The following R3HDM1 variants were observed in gnomAD, a reference collection of about 807,000 sequenced individuals.
The protein encoded by R3HDM1 is R3H domain containing 1.
A neutral mutation model predicts 141.1 loss-of-function variants in R3HDM1; 46 were observed. That is an observed-to-expected ratio of 0.33 (90% confidence interval 0.26 to 0.42). The LOEUF (loss-of-function observed/expected upper bound fraction) is 0.42. Ranked by LOEUF, R3HDM1 falls within the 10% of genes least tolerant of loss-of-function variation. R3HDM1 has a pLI of 1.00. For synonymous variants in R3HDM1, 435 were observed against 472.9 expected (o/e 0.92, Z 1.04); for missense variants, 1,184 against 1,368.3 (o/e 0.87, Z 2.12).
chr2:135,546,462 G>A (rs1294018015), intron 1 of R3HDM1, among the ~76,000 whole-genome samples: 1 of 152,122 alleles, frequency 6.6e-6, no homozygotes, highest in African/African-American at 2.4e-5. Flanking sequence ...CTAAAAAGAG[G>A]AAATGGTGGA....
chr2:135,715,704 C>T lies in R3HDM1; in HGVS notation c.2881+10C>T. The T allele has an allele frequency of 6.2e-7, 1 of 1,607,428 alleles. No homozygotes were observed. Among genetic ancestry groups the T allele is most frequent in the Non-Finnish European group, 8.5e-7 (1 of 1,177,020 alleles). Reference sequence around the variant, plus strand: ...TTTGTCCCCGGGCAAGGTAAGTGCACATGAAACTAGTCACAACTTCAGAGA... The same window carrying T: ...TTTGTCCCCGGGCAAGGTAAGTGCATATGAAACTAGTCACAACTTCAGAGA... On this transcript the variant is annotated intron_variant, in intron 24 of 26. Coordinates refer to ENST00000683871, the MANE Select transcript of R3HDM1 (RefSeq NM_001378107.1).
intron 11 of R3HDM1, 137 bp downstream of exon 11, chr2:135,636,320 T>C (rs2063241558): frequency 8.0e-6 from 11 of 1,374,158 alleles, no homozygotes; most frequent in Non-Finnish European, 1.0e-5. Context: ...TTTAGAAATA[T>C]TGAGATCAGT....
chr2:135,552,693 C>A (rs1700053745), intron 1 of R3HDM1, among the ~76,000 whole-genome samples: 1 of 152,090 alleles, frequency 6.6e-6, no homozygotes, highest in African/African-American at 2.4e-5. Context: ...GATATTGGTT[C>A]TTAAAAAGCC....
intron 1 of R3HDM1, 36 bp from the exon 2 acceptor site, chr2:135,602,464 A>G: frequency 8.2e-7 from 1 of 1,220,944 alleles, no homozygotes; most frequent in South Asian, 3.6e-5. Flanking sequence ...TCCCTTGGCC[A>G]TTTTGTTAAA....
At chr2:135,704,702 G>A (rs1263847259) in intron 21 of R3HDM1, among the ~76,000 whole-genome samples, 1 of 151,520 alleles carries the variant, frequency 6.6e-6, no homozygotes, top group African/African-American at 2.4e-5. Context: ...CAAGTGAGCC[G>A]TCCTCCCCGG....
chr2:135,634,574 G>A (rs2063071318), intron 9 of R3HDM1, among the ~76,000 whole-genome samples: 1 of 152,178 alleles, frequency 6.6e-6, no homozygotes, highest in Non-Finnish European at 1.5e-5. Flanking sequence ...AACACAGGTG[G>A]CAGAGGTTGC....
chr2:135,721,940 A>T lies in R3HDM1; in HGVS notation c.2898A>T (p.Pro966=). The stretch of plus-strand genomic sequence containing the variant: ...GACTTTCAGGAGATTCCAGGTATCC[A>T]TTACTTGGCCAGCCACTGCAGTACA... The part of the protein sequence containing the change: ...FVPGQGDSRY[P]LLGQPLQYNP... Residue 966 remains proline (P), a synonymous_variant, in exon 25 of 27, where the codon CCA becomes CCT. Coordinates refer to ENST00000683871, the MANE Select transcript of R3HDM1 (RefSeq NM_001378107.1). The T allele has an allele frequency of 6.2e-7, 1 of 1,613,516 alleles. No homozygotes were observed. The highest frequency in any genetic ancestry group is 8.5e-7 in the Non-Finnish European group (1 of 1,179,516).
intron 21 of R3HDM1, among the ~76,000 whole-genome samples, chr2:135,692,451 G>A (rs935432893): frequency 2.6e-5 from 4 of 152,106 alleles, no homozygotes; most frequent in African/African-American, 9.7e-5. Flanking sequence ...CATTAGCTGG[G>A]CGTGGTGGCA....
intron 18 of R3HDM1, among the ~76,000 whole-genome samples, chr2:135,656,321 T>C (rs2065887636): frequency 6.6e-6 from 1 of 152,290 alleles, no homozygotes; most frequent in Middle Eastern, 3.4e-3. Context: ...TATACAGTGA[T>C]TGGAGTGTCA....
chr2:135,649,742 A>G (rs2064938297), intron 16 of R3HDM1, among the ~76,000 whole-genome samples, 160 bp from the exon 17 acceptor site: 1 of 152,158 alleles, frequency 6.6e-6, no homozygotes, highest in Non-Finnish European at 1.5e-5. Flanking sequence ...GAGTTGCTTC[A>G]CTTTGTATTG....
At chr2:135,641,848 A>G in intron 15 of R3HDM1, 58 bp downstream of exon 15, 2 of 1,485,620 alleles carry the variant, frequency 1.3e-6, no homozygotes, top group South Asian at 2.7e-5. Flanking sequence ...GATACTTATT[A>G]AATGTATTTT....
chr2:135,676,608 C>T (rs1275300693), intron 20 of R3HDM1, among the ~76,000 whole-genome samples: 2 of 152,064 alleles, frequency 1.3e-5, no homozygotes, highest in Non-Finnish European at 2.9e-5. Context: ...GTCAAGAGTT[C>T]GAGACCATCC....
intron 17 of R3HDM1, chr2:135,650,839 A>G (rs1008285737): frequency 2.0e-6 from 2 of 985,088 alleles, no homozygotes; most frequent in South Asian, 9.4e-5. Flanking sequence ...CAACTTTGAT[A>G]TGATGACTCA....
intron 1 of R3HDM1, among the ~76,000 whole-genome samples, chr2:135,545,594 G>A (rs536858910): frequency 1.3e-5 from 2 of 152,328 alleles, no homozygotes; most frequent in Admixed American, 6.5e-5. Flanking sequence ...CTTGTTTACT[G>A]AAGTTCAGCA....
intron 21 of R3HDM1, among the ~76,000 whole-genome samples, chr2:135,701,335 C>T (rs2074177231): frequency 6.6e-6 from 1 of 151,842 alleles, no homozygotes. Flanking sequence ...CCCCGGAGTT[C>T]AAGGTTACAG....
chr2:135,695,233 A>G (rs908048052), intron 21 of R3HDM1, among the ~76,000 whole-genome samples: 1 of 152,232 alleles, frequency 6.6e-6, no homozygotes, highest in African/African-American at 2.4e-5. Flanking sequence ...TAAATTCACA[A>G]TTTAGTCTTG....
chr2:135,699,246 G>A (rs1385849294), intron 21 of R3HDM1, among the ~76,000 whole-genome samples: 1 of 152,180 alleles, frequency 6.6e-6, no homozygotes, highest in African/African-American at 2.4e-5. Flanking sequence ...GAAGAGAATT[G>A]CTTTCATAAG....
At chr2:135,694,085 C>T (rs2072867365) in intron 21 of R3HDM1, among the ~76,000 whole-genome samples, 2 of 152,124 alleles carry the variant, frequency 1.3e-5, no homozygotes, top group South Asian at 4.1e-4. Context: ...TTGAATTATT[C>T]TTCAGTTTAG....
intron 1 of R3HDM1, among the ~76,000 whole-genome samples, chr2:135,602,020 A>G (rs2059661253): frequency 6.6e-6 from 1 of 150,792 alleles, no homozygotes; most frequent in Non-Finnish European, 1.5e-5. Flanking sequence ...TAAAAATGTT[A>G]AATGGCTTGT....
Sources: gnomAD v4.1 joint callset for allele counts (sites outside exome capture counted in the v4.1 genomes callset) on GRCh38, gnomAD v4.1.1 for gene constraint, MANE v1.5 for transcripts, NCBI Gene and HGNC (gene_info 2026-07-23, HGNC 2026-07-21) for gene names.